CEP120: variants seen among roughly 807,000 people sequenced by gnomAD.
CEP120 encodes the protein centrosomal protein 120.
In CEP120, 113 loss-of-function variants were observed where a neutral mutation model predicts 126.5. The observed-to-expected ratio is 0.89, with a 90% CI of 0.77 to 1.04. The LOEUF is 1.04. Among genes scored for constraint, CEP120 ranks in the 50% least tolerant of loss-of-function variants. The probability of loss-of-function intolerance (pLI) is 0.00; values close to 1 mark genes in which losing one functional copy is unlikely to be tolerated. For synonymous variants in CEP120, 400 were observed against 394.3 expected, an observed-to-expected ratio of 1.01 and a Z score of -0.17; for missense variants, 1,230 against 1,155.7, an observed-to-expected ratio of 1.06 and a Z score of -0.93.
chr5:123,399,673 C>CA (rs1372949769), intron 4 of CEP120, among the ~76,000 whole-genome samples: 1 of 151,886 alleles, frequency 6.6e-6, no homozygotes, highest in East Asian at 1.9e-4. Flanking sequence ...ACAGTATGTA[C>CA]AAAAACACAG....
chr5:123,372,906 A>T (rs1770949855), intron 16 of CEP120, 134 bp from the exon 17 acceptor site: 1 of 668,068 alleles, frequency 1.5e-6, no homozygotes, highest in Non-Finnish European at 2.4e-6. Flanking sequence ...CTGATAAAGT[A>T]CAATGAGGAA....
Position 123,401,684 on chromosome 5 carries a change from T to C in CEP120, c.464-2400A>G. ...ATACAGCTGCCTGAGGAAGTTGATCTCATCAGTCAGCCCTTCCAGGCGAGA... is the reference window on the plus strand; with the variant it reads ...ATACAGCTGCCTGAGGAAGTTGATCCCATCAGTCAGCCCTTCCAGGCGAGA... On this transcript the variant is annotated intron_variant, in intron 4 of 19. Transcript: ENST00000306467. 4 of 1,413,090 alleles carry C rather than the reference T, an allele frequency of 2.8e-6. No individual in the cohort carries two copies. In the South Asian group the frequency reaches 4.6e-5, roughly 16 times the overall value. The allele number at this position is 1,413,090 out of a possible 1,614,324, so 87.5% of individuals were successfully genotyped here. A position where few individuals can be genotyped will look rare whatever the true frequency, so the allele number is the denominator to read the frequency against.
intron 1 of CEP120, chr5:123,422,429 G>A (rs1375031709): frequency 1.6e-6 from 2 of 1,257,332 alleles, no homozygotes; most frequent in Admixed American, 2.0e-5. Context: ...GACACTCAAT[G>A]AGTCCCAATA....
intron 17 of CEP120, among the ~76,000 whole-genome samples, chr5:123,370,687 A>G (rs556634443): frequency 3.5e-5 from 5 of 144,412 alleles, no homozygotes; most frequent in South Asian, 2.1e-4. Context: ...GTGTGTGTGT[A>G]TATATATATA....
At position 123,400,275 on chromosome 5, in the gene CEP120, C is replaced by T. The variant is rs147265666; in HGVS notation, c.464-991G>A. Among the ~76,000 whole-genome samples, 232 of 152,218 alleles carry T rather than the reference C, an allele frequency of 1.5e-3. 3 individuals are homozygous for T. Among genetic ancestry groups the T allele is most frequent in the African/African-American group, 5.4e-3 (223 of 41,522 alleles). On this transcript the variant is annotated intron_variant, in intron 4 of 19. Coordinates refer to ENST00000306467, the MANE Select transcript of CEP120 (RefSeq NM_001375405.1). ...TGTTGCACAGGGAACCCATATCCATCTCTTTTAGTCTCCATTTTTTTTTTT... is the reference window on the plus strand; with the variant it reads ...TGTTGCACAGGGAACCCATATCCATTTCTTTTAGTCTCCATTTTTTTTTTT...
intron 18 of CEP120, among the ~76,000 whole-genome samples, chr5:123,363,813 C>A (rs1321449099): frequency 1.3e-5 from 2 of 151,386 alleles, no homozygotes; most frequent in Non-Finnish European, 3.0e-5. Context: ...AAAACTGACA[C>A]ATTAAAGAAA....
chr5:123,359,217 T>C (rs1769885974), intron 18 of CEP120, among the ~76,000 whole-genome samples: 1 of 152,074 alleles, frequency 6.6e-6, no homozygotes, highest in Non-Finnish European at 1.5e-5. Context: ...AGATCTACTG[T>C]GCACAAATAT....
intron 4 of CEP120, chr5:123,401,141 C>A: frequency 6.2e-7 from 1 of 1,606,832 alleles, no homozygotes; most frequent in South Asian, 1.1e-5. Context: ...CAGACTCCAG[C>A]CGGCTCTCCT....
At chr5:123,422,461 A>C in intron 1 of CEP120, 1 of 1,512,728 alleles carries the variant, frequency 6.6e-7, no homozygotes, top group South Asian at 1.2e-5. Context: ...TTCATCCAAA[A>C]CACACCTTTT....
intron 10 of CEP120, 33 bp from the exon 11 acceptor site, chr5:123,385,166 T>C (rs1183891837): frequency 6.6e-7 from 1 of 1,523,018 alleles, no homozygotes. Context: ...TTCATACCTA[T>C]CAACTCTGAC....
Position 123,382,325 on chromosome 5 carries a change from TA to T in CEP120, c.2014-126del, listed in dbSNP as rs200376887. 0.23 allele frequency: 50,616 copies of T among 219,170 alleles called. 2,265 individuals are homozygous for T. Among genetic ancestry groups the T allele is most frequent in the Middle Eastern group, 0.26 (182 of 700 alleles). The allele number at this position is 219,170 out of a possible 1,614,324, so 13.6% of individuals were successfully genotyped here. A position where few individuals can be genotyped will look rare whatever the true frequency, so the allele number is the denominator to read the frequency against. ...TTTTTTCAGGCATTCTTTTTTATTC[TA>T]AAAAAAAAAAAAAAAAAAAGGAGGA... On this transcript the variant is annotated intron_variant, in intron 13 of 19. Coordinates refer to ENST00000306467, the MANE Select transcript of CEP120 (RefSeq NM_001375405.1).
chr5:123,354,891 C>G (rs186518060), intron 18 of CEP120, among the ~76,000 whole-genome samples: 1 of 151,750 alleles, frequency 6.6e-6, no homozygotes, highest in Non-Finnish European at 1.5e-5. Flanking sequence ...CCCATTAACT[C>G]GTCATTTAGC....
rs748583767 is a variant in CEP120, at chr5:123,422,986, A to AT, written c.12dup (p.Ser5IlefsTer31). 6.2e-7 allele frequency: 1 copy of AT among 1,614,132 alleles called. No individual in the cohort carries two copies. Among genetic ancestry groups the AT allele is most frequent in the East Asian group, 2.2e-5 (1 of 44,862 alleles). On this transcript the variant is annotated frameshift_variant, in exon 1 of 20. Transcript: ENST00000306467. LOFTEE classifies it high-confidence loss of function. ...GACACGACGATGAGCAATTGGTCGG[A>AT]TTTGGAGACCATGGTTGCGGTGAGC...
intron 17 of CEP120, among the ~76,000 whole-genome samples, chr5:123,371,192 A>G (rs1413454697): frequency 6.6e-6 from 1 of 152,062 alleles, no homozygotes; most frequent in African/African-American, 2.4e-5. Context: ...CATGATGCCT[A>G]TATTAGTCTG....
At chr5:123,401,674 G>A (rs1488096818) in intron 4 of CEP120, 2 of 1,415,876 alleles carry the variant, frequency 1.4e-6, no homozygotes, top group Non-Finnish European at 2.0e-6. Flanking sequence ...GCTGCCTGAG[G>A]AAGTTGATCT....
chr5:123,396,753 T>A (rs534588459), intron 5 of CEP120, among the ~76,000 whole-genome samples: 1 of 152,244 alleles, frequency 6.6e-6, no homozygotes, highest in South Asian at 2.1e-4. Context: ...TCCAAACTCA[T>A]TAAGAGGCAA....
At chr5:123,386,175 A>C (rs964101922) in intron 10 of CEP120, among the ~76,000 whole-genome samples, 2 of 152,170 alleles carry the variant, frequency 1.3e-5, no homozygotes, top group African/African-American at 2.4e-5. Flanking sequence ...ATAAAAAGTA[A>C]ATATTTAGTT....
chr5:123,382,774 A>G lies in CEP120; in HGVS notation c.1976T>C (p.Met659Thr). 2.5e-6 allele frequency: 4 copies of G among 1,612,764 alleles called. No homozygotes were observed. Among genetic ancestry groups the G allele is most frequent in the Non-Finnish European group, 3.4e-6 (4 of 1,179,474 alleles). Reference sequence around the variant, plus strand: ...TATATCTTCTTGCATCTCCTTCCACATTTCTAGCTCAAGTGCTGCTTTGTA... The same window carrying G: ...TATATCTTCTTGCATCTCCTTCCACGTTTCTAGCTCAAGTGCTGCTTTGTA... ...LEYKAALELE[M>T]WKEMQEDIFE... Residue 659 changes from methionine to threonine, a missense_variant, in exon 13 of 20, where the codon ATG becomes ACG. Coordinates refer to ENST00000306467, the MANE Select transcript of CEP120 (RefSeq NM_001375405.1).
intron 1 of CEP120, 98 bp downstream of exon 1, chr5:123,422,852 G>A: frequency 8.8e-7 from 1 of 1,134,900 alleles, no homozygotes. Flanking sequence ...CAAAAGCACA[G>A]ATGACAGGGT....
Sources: allele counts gnomAD v4.1 joint callset (sites outside exome capture counted in the v4.1 genomes callset), GRCh38; gene constraint gnomAD v4.1.1; transcripts MANE v1.5; gene names NCBI Gene and HGNC (gene_info 2026-07-23, HGNC 2026-07-21).